NEK5: variants seen among roughly 807,000 people sequenced by gnomAD.
NEK5 encodes the protein NIMA related kinase 5, also known as serine/threonine-protein kinase Nek5.
A neutral mutation model predicts 109.2 loss-of-function variants in NEK5; 88 were observed. The observed-to-expected ratio is 0.81, with a 90% CI of 0.68 to 0.96. NEK5 has a LOEUF of 0.96. Ranked by LOEUF, NEK5 falls within the 40% of genes least tolerant of loss-of-function variation. NEK5 has a pLI of 0.00. For missense variants in NEK5, 834 were observed against 920.7 expected (o/e 0.91, Z 1.22); for synonymous variants, 283 against 299.9 (o/e 0.94, Z 0.58).
At chr13:52,098,697 T>G (rs1403297420) in intron 12 of NEK5, among the ~76,000 whole-genome samples, 1 of 152,190 alleles carries the variant, frequency 6.6e-6, no homozygotes, top group African/African-American at 2.4e-5. Flanking sequence ...TTACTCACTT[T>G]TCCTATACAG....
chr13:52,040,081 C>CTTTT lies in NEK5; in HGVS notation c.2229-2867_2229-2864dup, dbSNP rs59617490. Among the ~76,000 whole-genome samples the CTTTT allele has an allele frequency of 7.5e-5, 9 of 120,370 alleles. No individual in the cohort carries two copies. In the South Asian group the frequency reaches 1.7e-3, roughly 22 times the overall value. 79.0% of individuals were successfully genotyped at this position (120,370 alleles called of 152,430 possible). ...TTACCAGACACCAAATCTACTGGCA[C>CTTTT]TTTTTTTTTTTTTTTTTTTTTGAGA... On this transcript the variant is annotated intron_variant, in intron 23 of 23. Coordinates refer to ENST00000684899, the MANE Select transcript of NEK5 (RefSeq NM_001365552.1).
chr13:52,108,264 A>C, intron 8 of NEK5, 54 bp downstream of exon 8: 1 of 949,500 alleles, frequency 1.1e-6, no homozygotes, highest in Non-Finnish European at 1.7e-6. Flanking sequence ...ATCTTCATTC[A>C]GTGTCATCCA....
At chr13:52,069,571 A>T (rs1954751854) in intron 20 of NEK5, among the ~76,000 whole-genome samples, 1 of 152,092 alleles carries the variant, frequency 6.6e-6, no homozygotes, top group East Asian at 1.9e-4. Context: ...AAATCTCAAC[A>T]TGTTCCAAAT....
chr13:52,062,084 G>C, intron 21 of NEK5, 131 bp from the exon 22 acceptor site: 1 of 152,886 alleles, frequency 6.5e-6, no homozygotes, highest in South Asian at 2.1e-4. Context: ...CCGAGATATA[G>C]AAAAGTTTAG....
In NEK5 at chr13:52,037,078, C is replaced by G. The variant is rs1954366540; in HGVS notation, c.2369G>C (p.Gly790Ala). ...TTCTTCAGATTTCTGCATACTTATC[C>G]CCTCTCTTTCTCTTGACTTTCTAGA... ...KDSRKSRERE[G>A]ISMQKSEELR... is the part of the protein sequence containing the mutation. The change falls in exon 24 of 24, where the codon GGG (glycine) becomes GCG (alanine). Residue 790 changes from glycine (G) to alanine (A), a missense_variant. Gly to Ala is a moderately conservative substitution (Grantham distance 60, BLOSUM62 0). Around this residue, in one of 2 missense-constraint regions of NEK5, gnomAD observed 57 missense variants for 96.0 expected, o/e 0.59. Transcript: ENST00000684899. 1.0e-6 allele frequency: 1 copy of G among 985,168 alleles called. No homozygotes were observed. The highest frequency in any genetic ancestry group is 1.7e-5 in the African/African-American group (1 of 57,182). 61.0% of individuals were successfully genotyped at this position (985,168 alleles called of 1,614,324 possible).
At chr13:52,057,650 C>T (rs556939784) in intron 22 of NEK5, among the ~76,000 whole-genome samples, 95 of 152,200 alleles carry the variant, frequency 6.2e-4, no homozygotes, top group Non-Finnish European at 1.0e-3. Flanking sequence ...CAATAATATA[C>T]GCAAATCAAT....
chr13:52,116,054 T>C (rs1381339252), intron 4 of NEK5, among the ~76,000 whole-genome samples: 1 of 151,666 alleles, frequency 6.6e-6, no homozygotes, highest in East Asian at 1.9e-4. Flanking sequence ...TGGGGGTACA[T>C]GCCTGTAGTC....
chr13:52,086,360 A>C lies in NEK5; in HGVS notation c.1396T>G (p.Tyr466Asp). 6.2e-7 allele frequency: 1 copy of C among 1,606,324 alleles called. No individual in the cohort carries two copies. Among genetic ancestry groups the C allele is most frequent in the African/African-American group, 1.3e-5 (1 of 74,868 alleles). The change falls in exon 16 of 24, where the codon TAT (tyrosine) becomes GAT (aspartate). Residue 466 changes from tyrosine to aspartate, a missense_variant. Physicochemically the swap from Tyr to Asp is radical, Grantham distance 160. Transcript: ENST00000684899. ...FRKNEMKEQE[Y>D]WKQLEEIRQQ... ...CGTATTTCCTCTAACTGCTTCCAAT[A>C]TTCCTGGAAAGCAAACCCAATCCAG...
chr13:52,040,619 T>C (rs1288927955), intron 23 of NEK5, among the ~76,000 whole-genome samples: 3 of 152,206 alleles, frequency 2.0e-5, no homozygotes, highest in Non-Finnish European at 2.9e-5. Flanking sequence ...AATTATATTA[T>C]CTGAAATTCT....
At chr13:52,073,926 G>A (rs1013860168) in intron 19 of NEK5, among the ~76,000 whole-genome samples, 6 of 152,048 alleles carry the variant, frequency 3.9e-5, no homozygotes, top group African/African-American at 1.4e-4. Flanking sequence ...TAACCAAGGA[G>A]GTGAAAGATC....
chr13:52,104,702 T>C (rs1035304232), intron 8 of NEK5, 150 bp from the exon 9 acceptor site: 2 of 642,168 alleles, frequency 3.1e-6, no homozygotes, highest in Admixed American at 2.8e-5. Flanking sequence ...TCATCAATTC[T>C]TATTAGAAGA....
At chr13:52,104,735 T>G (rs563280751) in intron 8 of NEK5, among the ~76,000 whole-genome samples, 183 bp from the exon 9 acceptor site, 69 of 152,330 alleles carry the variant, frequency 4.5e-4, no homozygotes, top group Non-Finnish European at 7.4e-5. Flanking sequence ...TGAAAACCAT[T>G]TGTAGTTTGT....
intron 20 of NEK5, among the ~76,000 whole-genome samples, chr13:52,069,656 C>T (rs1274378620): frequency 1.3e-5 from 2 of 152,294 alleles, no homozygotes; most frequent in South Asian, 2.1e-4. Flanking sequence ...AAGCTTCATG[C>T]ATTTGAATTA....
chr13:52,062,995 G>C (rs1027228998), intron 21 of NEK5, among the ~76,000 whole-genome samples: 15 of 152,030 alleles, frequency 9.9e-5, no homozygotes, highest in Non-Finnish European at 4.4e-5. Flanking sequence ...GTGCTCAGCA[G>C]TAATAACATA....
intron 19 of NEK5, 46 bp downstream of exon 19, chr13:52,075,712 G>A: frequency 9.1e-7 from 1 of 1,098,392 alleles, no homozygotes; most frequent in Admixed American, 2.4e-5. Context: ...TAAGATATAT[G>A]CATTTTCTGA....
chr13:52,081,304 T>C (rs185938420), intron 17 of NEK5, among the ~76,000 whole-genome samples: 1 of 152,336 alleles, frequency 6.6e-6, no homozygotes, highest in East Asian at 1.9e-4. Context: ...TTACAAAAGT[T>C]TGCAAAGGTA....
intron 15 of NEK5, 68 bp from the exon 16 acceptor site, chr13:52,086,431 C>CA: frequency 1.0e-6 from 1 of 954,558 alleles, no homozygotes; most frequent in Non-Finnish European, 1.7e-6. Context: ...AATCTTTCTG[C>CA]AGCCTACAAT....
chr13:52,109,745 TAG>T (rs1196971375), intron 7 of NEK5, among the ~76,000 whole-genome samples: 1 of 152,188 alleles, frequency 6.6e-6, no homozygotes, highest in African/African-American at 2.4e-5. Context: ...GGTCTTCAGA[TAG>T]ACTCTTTCAA....
At chr13:52,083,213 G>GAGCACACACACTGCA (rs768470390) in intron 17 of NEK5, 47 bp downstream of exon 17, 1 of 1,295,784 alleles carries the variant, frequency 7.7e-7, no homozygotes, top group Non-Finnish European at 1.1e-6. Context: ...ACTTGGGGTA[G>GAGCACACACACTGCA]AGCACACACA....
Sources: gnomAD v4.1 joint callset for allele counts (sites outside exome capture counted in the v4.1 genomes callset) on GRCh38, gnomAD v4.1.1 for gene constraint, gnomAD v4.1.1 regional missense constraint, MANE v1.5 for transcripts, NCBI Gene and HGNC (gene_info 2026-07-23, HGNC 2026-07-21) for gene names.